Variants in KDM5A observed in about 807,000 individuals in gnomAD.
The protein encoded by KDM5A is lysine-specific demethylase 5A.
KDM5A carries 42 observed loss-of-function variants against 193.5 expected under a neutral mutation model. That is an observed-to-expected ratio of 0.22 (90% CI 0.17 to 0.28). The LOEUF (loss-of-function observed/expected upper bound fraction) is 0.28. KDM5A is among the 10% of genes least tolerant of loss of function. KDM5A has a pLI of 1.00. For synonymous variants in KDM5A, 796 were observed against 718.1 expected (o/e 1.11, Z -1.73); for missense variants, 1,692 against 2,055.1 (o/e 0.82, Z 3.42).
chr12:386,528 C>T (rs1261193141), intron 1 of KDM5A, among the ~76,000 whole-genome samples: 1 of 151,964 alleles, frequency 6.6e-6, no homozygotes. Flanking sequence ...AAAAAATATA[C>T]CATACCATTA....
Position 292,727 on chromosome 12 carries a change from C to A in KDM5A, c.4866+32G>T, listed in dbSNP as rs776409296. 2.6e-5 allele frequency: 42 copies of A among 1,614,024 alleles called. No homozygotes were observed. In the South Asian group the frequency reaches 4.5e-4, roughly 17 times the overall value. ...CTCCACAACTGTTGCTCCTTGACCTCTCATGCTTGACTATAAACAGTTGGA... is the reference window on the plus strand; with the variant it reads ...CTCCACAACTGTTGCTCCTTGACCTATCATGCTTGACTATAAACAGTTGGA... On this transcript the variant is annotated intron_variant, in intron 27 of 27. Coordinates refer to ENST00000399788, the MANE Select transcript of KDM5A (RefSeq NM_001042603.3).
intron 3 of KDM5A, among the ~76,000 whole-genome samples, chr12:381,675 A>G (rs981710406): frequency 2.0e-5 from 3 of 152,140 alleles, no homozygotes; most frequent in East Asian, 1.9e-4. Flanking sequence ...ACTTACTAAC[A>G]TCATTACCTG....
At chr12:341,547 C>CA (rs1409276472) in intron 10 of KDM5A, among the ~76,000 whole-genome samples, 2 of 151,642 alleles carry the variant, frequency 1.3e-5, no homozygotes, top group Non-Finnish European at 2.9e-5. Context: ...AACACACAGC[C>CA]AAAAAAACCA....
intron 3 of KDM5A, among the ~76,000 whole-genome samples, chr12:374,870 A>G (rs1944481176): frequency 6.7e-6 from 1 of 150,076 alleles, no homozygotes; most frequent in African/African-American, 2.5e-5. Flanking sequence ...TGGGTTGAAA[A>G]TTCTTTTTTT....
chr12:374,832 A>C (rs12299057), intron 3 of KDM5A, among the ~76,000 whole-genome samples: 23,044 of 152,016 alleles, frequency 0.15, 2,551 homozygotes, highest in East Asian at 0.42. Context: ...TTCACTTATG[A>C]AGCTTAGTTT....
At chr12:357,056 G>A (rs1003336987) in intron 5 of KDM5A, among the ~76,000 whole-genome samples, 2 of 152,186 alleles carry the variant, frequency 1.3e-5, no homozygotes. Context: ...CAAGGCAGGT[G>A]ATCATTTGAG....
At chr12:300,427 A>G (rs1227244578) in intron 24 of KDM5A, among the ~76,000 whole-genome samples, 4 of 152,246 alleles carry the variant, frequency 2.6e-5, no homozygotes, top group Non-Finnish European at 5.9e-5. Flanking sequence ...CTGCTCCTGA[A>G]TGACTACTGG....
intron 3 of KDM5A, among the ~76,000 whole-genome samples, chr12:368,971 A>C (rs1268803625): frequency 6.6e-6 from 1 of 152,244 alleles, no homozygotes; most frequent in Non-Finnish European, 1.5e-5. Context: ...CATACTAAAA[A>C]TAAGTGAAGG....
intron 6 of KDM5A, 146 bp downstream of exon 6, chr12:356,286 A>G: frequency 1.5e-6 from 1 of 651,888 alleles, no homozygotes; most frequent in South Asian, 1.8e-5. Context: ...ATCTGGCATT[A>G]AAAAAGGCGA....
intron 27 of KDM5A, among the ~76,000 whole-genome samples, chr12:289,918 T>TTC (rs1368772341): frequency 6.8e-6 from 1 of 147,896 alleles, no homozygotes; most frequent in African/African-American, 2.5e-5. Flanking sequence ...TTTTTTTTTT[T>TTC]TTTTTTTTTT....
At chr12:360,945 T>C (rs143794067) in intron 5 of KDM5A, among the ~76,000 whole-genome samples, 2 of 152,020 alleles carry the variant, frequency 1.3e-5, no homozygotes, top group African/African-American at 2.4e-5. Flanking sequence ...CCCACAGAGA[T>C]AGACAAAGAC....
chr12:373,574 T>C (rs1160077208), intron 3 of KDM5A, among the ~76,000 whole-genome samples: 1 of 152,210 alleles, frequency 6.6e-6, no homozygotes, highest in East Asian at 1.9e-4. Flanking sequence ...TGTGTCTCTA[T>C]CTCCTTCAGT....
intron 24 of KDM5A, among the ~76,000 whole-genome samples, chr12:300,895 T>C (rs1943433356): frequency 6.6e-6 from 1 of 152,128 alleles, no homozygotes; most frequent in Non-Finnish European, 1.5e-5. Context: ...GACAATACTA[T>C]AAACATCTCT....
Position 323,066 on chromosome 12 carries a change from A to T in KDM5A, c.2275+16T>A, listed in dbSNP as rs1943738706. On this transcript the variant is annotated intron_variant, in intron 16 of 27. Coordinates refer to ENST00000399788, the MANE Select transcript of KDM5A (RefSeq NM_001042603.3). ...CAATCAATTCAGTATATGCATACAA[A>T]AGAAGGAAATTTAACCTTTTTTGTG... 1 of 1,613,636 alleles carries T rather than the reference A, an allele frequency of 6.2e-7. No homozygotes were observed. Among genetic ancestry groups the T allele is most frequent in the Middle Eastern group, 1.7e-4 (1 of 6,028 alleles).
At position 307,841 on chromosome 12, in the gene KDM5A, T is replaced by G; in HGVS notation, c.3543A>C (p.Lys1181Asn). The change falls in exon 23 of 28, where the codon AAA becomes AAC. Residue 1181 changes from lysine (K) to asparagine (N), a missense_variant. Physicochemically the swap from Lys to Asn is moderately conservative, Grantham distance 94. Around this residue, in one of 11 missense-constraint regions of KDM5A, gnomAD observed 965 missense variants for 1,061.0 expected, o/e 0.91. Transcript: ENST00000399788. This position sits in a 1 kb window ranked among gnomAD's most constrained non-coding sequence, Gnocchi z 4.3. ...GAACACAGCTGTTATGGAACCAGTC[T>G]TTGCAGAGCTCACACTGTAGCATAA... ...SGFMLQCELCKDWFHNSCVPL... is the reference protein window; with the variant it reads ...SGFMLQCELCNDWFHNSCVPL... 1 of 1,614,210 alleles carries G rather than the reference T, an allele frequency of 6.2e-7. No homozygotes were observed. The highest frequency in any genetic ancestry group is 8.5e-7 in the Non-Finnish European group (1 of 1,180,034).
chr12:350,390 C>T lies in KDM5A; in HGVS notation c.1308+231G>A, dbSNP rs186191304. Among the ~76,000 whole-genome samples, 1,241 of 147,588 alleles carry T rather than the reference C, an allele frequency of 8.4e-3. 2 individuals are homozygous for T. The highest frequency in any genetic ancestry group is 0.013 in the Non-Finnish European group (898 of 67,436). On this transcript the variant is annotated intron_variant, in intron 10 of 27. Coordinates refer to ENST00000399788, the MANE Select transcript of KDM5A (RefSeq NM_001042603.3). ...GGTGGAGGTTGCGGTGAGCTAAGCT[C>T]GCGCTCCAGCCTAGGTGACAGAGTG...
chr12:338,041 A>T (rs543935084), intron 10 of KDM5A, among the ~76,000 whole-genome samples: 1 of 152,354 alleles, frequency 6.6e-6, no homozygotes, highest in African/African-American at 2.4e-5. Context: ...TTAAATGTTA[A>T]GTGAAAGCAA....
chr12:296,983 T>C (rs1464387931), intron 25 of KDM5A, 58 bp downstream of exon 25: 2 of 1,546,286 alleles, frequency 1.3e-6, no homozygotes, highest in East Asian at 2.3e-5. Flanking sequence ...ATTAACATAA[T>C]GCTTTTTCTC....
At chr12:329,534 C>T (rs1183441137) in intron 13 of KDM5A, among the ~76,000 whole-genome samples, 1 of 151,320 alleles carries the variant, frequency 6.6e-6, no homozygotes, top group African/African-American at 2.4e-5. Context: ...AATACTTAAG[C>T]AATCCACATT....
Sources: gnomAD v4.1 joint callset for allele counts (sites outside exome capture counted in the v4.1 genomes callset) on GRCh38, gnomAD v4.1.1 for gene constraint, gnomAD v4.1.1 regional missense constraint, Gnocchi (gnomAD v3.1) non-coding constraint, MANE v1.5 for transcripts, NCBI Gene and HGNC (gene_info 2026-07-23, HGNC 2026-07-21) for gene names.